Variants in RALGPS1 observed in about 807,000 individuals in gnomAD.
RALGPS1 encodes the protein ras-specific guanine nucleotide-releasing factor RalGPS1.
Under a neutral mutation model 78.8 loss-of-function variants are expected in RALGPS1, and 19 were observed. The observed-to-expected ratio is 0.24, with a 90% CI of 0.17 to 0.35. The LOEUF is 0.35. Among genes scored for constraint, RALGPS1 ranks in the 10% least tolerant of loss-of-function variants. The pLI, the probability that RALGPS1 is intolerant of heterozygous loss-of-function variation, is 1.00. For missense variants in RALGPS1, 454 were observed against 688.3 expected (o/e 0.66, Z 3.81); for synonymous variants, 228 against 256.3 (o/e 0.89, Z 1.06).
chr9:127,090,479 G>A (rs906040584), intron 8 of RALGPS1, among the ~76,000 whole-genome samples: 2 of 152,234 alleles, frequency 1.3e-5, no homozygotes, highest in African/African-American at 4.8e-5. Flanking sequence ...GCGGACAGAG[G>A]TGTCTGTGTG....
At chr9:126,954,144 T>C (rs2038126311) in intron 1 of RALGPS1, among the ~76,000 whole-genome samples, 1 of 152,244 alleles carries the variant, frequency 6.6e-6, no homozygotes, top group Admixed American at 6.5e-5. Flanking sequence ...TTCTTTGTGC[T>C]CCGGTGAACC....
At position 127,070,271 on chromosome 9, in the gene RALGPS1, C is replaced by T. The variant is rs146730592; in HGVS notation, c.610+915C>T. 5.1e-3 allele frequency among the ~76,000 whole-genome samples: 779 copies of T among 152,264 alleles called. 5 individuals carry two copies. Among genetic ancestry groups the T allele is most frequent in the African/African-American group, 0.017 (708 of 41,556 alleles). On this transcript the variant is annotated intron_variant, in intron 8 of 18. Transcript: ENST00000259351. ...CAGGCAGTAATGCTTGCTAGCCCAT[C>T]GCTCACCTCTTGCTGTATGGCCCAG...
At chr9:127,071,577 G>A (rs2050205677) in intron 8 of RALGPS1, among the ~76,000 whole-genome samples, 1 of 151,736 alleles carries the variant, frequency 6.6e-6, no homozygotes, top group African/African-American at 2.4e-5. Context: ...TTGAATTACT[G>A]GTTTATTTGT....
intron 8 of RALGPS1, among the ~76,000 whole-genome samples, chr9:127,079,104 AAC>A (rs1315478781): frequency 1.3e-5 from 2 of 152,234 alleles, no homozygotes; most frequent in Non-Finnish European, 2.9e-5. Context: ...ACAGGCCTTT[AAC>A]CTCTGGGTAA....
chr9:126,993,767 G>A (rs775062063), intron 4 of RALGPS1, among the ~76,000 whole-genome samples: 14 of 152,122 alleles, frequency 9.2e-5, no homozygotes, highest in Non-Finnish European at 1.9e-4. Flanking sequence ...AGCCTAACTG[G>A]GAGGCACCCC....
chr9:127,013,962 T>C (rs2044592426), intron 4 of RALGPS1, among the ~76,000 whole-genome samples: 1 of 152,232 alleles, frequency 6.6e-6, no homozygotes, highest in African/African-American at 2.4e-5. Context: ...TTCAGCAACA[T>C]GTTCATAATT....
intron 8 of RALGPS1, among the ~76,000 whole-genome samples, chr9:127,134,555 C>T (rs866571696): frequency 1.3e-5 from 2 of 152,184 alleles, no homozygotes; most frequent in South Asian, 4.1e-4. Context: ...GTCCATCATG[C>T]CTCACCATAG....
chr9:127,154,028 C>T (rs568350906), intron 8 of RALGPS1, among the ~76,000 whole-genome samples: 1 of 152,280 alleles, frequency 6.6e-6, no homozygotes, highest in East Asian at 1.9e-4. Flanking sequence ...GAAGCTGACC[C>T]CAGCCAGTGA....
intron 14 of RALGPS1, among the ~76,000 whole-genome samples, chr9:127,200,207 A>T (rs979153115): frequency 2.0e-5 from 3 of 152,208 alleles, no homozygotes; most frequent in Admixed American, 1.3e-4. Context: ...CTTAGTCTTC[A>T]TAATCATAAA....
At chr9:127,012,898 G>A (rs1221038828) in intron 4 of RALGPS1, among the ~76,000 whole-genome samples, 2 of 152,112 alleles carry the variant, frequency 1.3e-5, no homozygotes, top group African/African-American at 4.8e-5. Context: ...TGGTATTTCA[G>A]GGAACTCGAA....
intron 3 of RALGPS1, among the ~76,000 whole-genome samples, chr9:126,968,581 G>A (rs1304004742): frequency 1.3e-5 from 2 of 152,158 alleles, no homozygotes; most frequent in South Asian, 2.1e-4. Context: ...TATAAATTAG[G>A]TATAATTATT....
intron 8 of RALGPS1, among the ~76,000 whole-genome samples, chr9:127,160,628 G>A (rs1428183130): frequency 1.3e-5 from 2 of 152,146 alleles, no homozygotes; most frequent in South Asian, 2.1e-4. Context: ...TGGGGATTGG[G>A]GGAAGACAGG....
chr9:127,213,545 T>C (rs2062404765), intron 17 of RALGPS1, among the ~76,000 whole-genome samples: 1 of 152,216 alleles, frequency 6.6e-6, no homozygotes. Flanking sequence ...TTCATGATCA[T>C]GCTGGGAAGG....
chr9:126,915,033 G>T, intron 1 of RALGPS1, 58 bp downstream of exon 1: 1 of 149,142 alleles, frequency 6.7e-6, no homozygotes, highest in South Asian at 1.8e-4. Context: ...CGGCCGACGG[G>T]GCGGGGCGGG....
chr9:127,172,575 G>A (rs937659823), intron 10 of RALGPS1, among the ~76,000 whole-genome samples: 2 of 152,154 alleles, frequency 1.3e-5, no homozygotes, highest in African/African-American at 2.4e-5. Context: ...CTCTCTGCCC[G>A]TCATAGCCAT....
intron 5 of RALGPS1, among the ~76,000 whole-genome samples, chr9:127,047,140 C>T (rs147649019): frequency 2.0e-5 from 3 of 152,172 alleles, no homozygotes; most frequent in African/African-American, 7.2e-5. Context: ...TTTATTCACT[C>T]CACTTTACAT....
In RALGPS1 at chr9:127,215,508, C is replaced by T. The variant is rs180695129; in HGVS notation, c.1644+666C>T. Among the ~76,000 whole-genome samples, 63 of 152,352 alleles carry T rather than the reference C, an allele frequency of 4.1e-4. No individual in the cohort carries two copies. In the East Asian group the frequency reaches 6.7e-3, roughly 16 times the overall value. On this transcript the variant is annotated intron_variant, in intron 18 of 18. Coordinates refer to ENST00000259351, the MANE Select transcript of RALGPS1 (RefSeq NM_014636.3). ...ATTCTCTTACTGTCTCCGTTTTATG[C>T]TGAGGGTCCTGAGGCTCAGAAAGGG...
At chr9:126,970,836 A>C (rs1464986729) in intron 3 of RALGPS1, among the ~76,000 whole-genome samples, 1 of 152,204 alleles carries the variant, frequency 6.6e-6, no homozygotes, top group African/African-American at 2.4e-5. Context: ...GTTATTGTAC[A>C]AAAAAAGAGA....
intron 8 of RALGPS1, among the ~76,000 whole-genome samples, chr9:127,101,291 C>T (rs865791023): frequency 2.6e-5 from 4 of 152,242 alleles, no homozygotes; most frequent in Non-Finnish European, 5.9e-5. Flanking sequence ...TCAAGAGGAT[C>T]ACATGACTGG....
Sources: gnomAD v4.1 joint callset for allele counts (sites outside exome capture counted in the v4.1 genomes callset) on GRCh38, gnomAD v4.1.1 for gene constraint, MANE v1.5 for transcripts, NCBI Gene and HGNC (gene_info 2026-07-23, HGNC 2026-07-21) for gene names.